ZFPM2: variants seen among roughly 807,000 people sequenced by gnomAD.
The protein encoded by ZFPM2 is zinc finger protein, FOG family member 2.
Under a neutral mutation model 98.6 loss-of-function variants are expected in ZFPM2, and 20 were observed. The ratio of observed to expected loss-of-function variants is 0.20; its 90% confidence interval spans 0.14 to 0.29. ZFPM2 has a LOEUF of 0.29. Among genes scored for constraint, ZFPM2 ranks in the 10% least tolerant of loss-of-function variants. The pLI is 1.00. For synonymous variants in ZFPM2, 518 were observed against 502.7 expected, an observed-to-expected ratio of 1.03 and a Z score of -0.41; for missense variants, 1,310 against 1,388.6, an observed-to-expected ratio of 0.94 and a Z score of 0.90.
chr8:105,530,235 C>A (rs1228100425), intron 3 of ZFPM2, among the ~76,000 whole-genome samples: 1 of 152,036 alleles, frequency 6.6e-6, no homozygotes, highest in Non-Finnish European at 1.5e-5. Flanking sequence ...ATTGTTATCC[C>A]ATAGAACCAG....
At chr8:105,477,491 C>T (rs570391709) in intron 3 of ZFPM2, among the ~76,000 whole-genome samples, 2 of 152,034 alleles carry the variant, frequency 1.3e-5, no homozygotes, top group Non-Finnish European at 2.9e-5. Context: ...GATCCACCCA[C>T]CTCAGCCTCC....
intron 3 of ZFPM2, among the ~76,000 whole-genome samples, chr8:105,458,911 A>G (rs912023104): frequency 1.3e-5 from 2 of 152,154 alleles, no homozygotes; most frequent in Non-Finnish European, 2.9e-5. Context: ...TTGCCATTAA[A>G]CAATAATTAT....
chr8:105,506,762 C>T lies in ZFPM2; in HGVS notation c.302-54601C>T, dbSNP rs550699840. ...CAGCAATTTGGGAGGCTGAGGCGGG[C>T]GGATCACGAGATCAGGAGATCAAGA... On this transcript the variant is annotated intron_variant, in intron 3 of 7. Coordinates refer to ENST00000407775, the MANE Select transcript of ZFPM2 (RefSeq NM_012082.4). 3.9e-5 allele frequency among the ~76,000 whole-genome samples: 6 copies of T among 151,906 alleles called. No homozygotes were observed. The South Asian group carries it at 1.3e-3, about 32-fold the overall frequency.
At chr8:105,618,229 A>C (rs979015588) in intron 4 of ZFPM2, among the ~76,000 whole-genome samples, 1 of 152,174 alleles carries the variant, frequency 6.6e-6, no homozygotes, top group African/African-American at 2.4e-5. Context: ...ACAATTCCTA[A>C]GGAGAGTCTC....
At chr8:105,658,079 G>C (rs949121918) in intron 5 of ZFPM2, among the ~76,000 whole-genome samples, 1 of 151,970 alleles carries the variant, frequency 6.6e-6, no homozygotes, top group Non-Finnish European at 1.5e-5. Context: ...GCGAATATTT[G>C]GGATATTTTC....
intron 4 of ZFPM2, among the ~76,000 whole-genome samples, chr8:105,572,883 G>A (rs1815388238): frequency 6.6e-6 from 1 of 152,108 alleles, no homozygotes; most frequent in African/African-American, 2.4e-5. Context: ...CGTCTTCTGT[G>A]CCATTTTGTA....
intron 2 of ZFPM2, among the ~76,000 whole-genome samples, chr8:105,428,005 A>G (rs1811949821): frequency 6.6e-6 from 1 of 152,202 alleles, no homozygotes; most frequent in African/African-American, 2.4e-5. Flanking sequence ...TGTAACTTCC[A>G]GAGGCTCAGC....
chr8:105,678,088 T>G (rs1285507461), intron 5 of ZFPM2, among the ~76,000 whole-genome samples: 1 of 152,210 alleles, frequency 6.6e-6, no homozygotes, highest in African/African-American at 2.4e-5. Flanking sequence ...TTACACCTTT[T>G]TCCTCCTCAC....
intron 2 of ZFPM2, among the ~76,000 whole-genome samples, chr8:105,420,784 G>A (rs891592542): frequency 6.6e-6 from 1 of 151,966 alleles, no homozygotes; most frequent in Admixed American, 6.6e-5. Context: ...ACATCCTTTT[G>A]TGCATTGTAG....
intron 5 of ZFPM2, among the ~76,000 whole-genome samples, chr8:105,676,418 T>G (rs1240717450): frequency 6.6e-6 from 1 of 152,148 alleles, no homozygotes; most frequent in African/African-American, 2.4e-5. Flanking sequence ...CATTTGTCAA[T>G]GAAACTTTTT....
intron 3 of ZFPM2, among the ~76,000 whole-genome samples, chr8:105,559,933 C>T (rs999526347): frequency 7.2e-5 from 11 of 151,942 alleles, no homozygotes; most frequent in Admixed American, 2.0e-4. Context: ...CTAGGCCAGG[C>T]GCGGTGGCTC....
intron 3 of ZFPM2, among the ~76,000 whole-genome samples, chr8:105,523,117 T>C (rs1814098103): frequency 6.6e-6 from 1 of 152,226 alleles, no homozygotes; most frequent in Non-Finnish European, 1.5e-5. Context: ...TTACCTGTCT[T>C]ACATATTTTT....
At chr8:105,473,273 G>T (rs1178327008) in intron 3 of ZFPM2, among the ~76,000 whole-genome samples, 1 of 152,084 alleles carries the variant, frequency 6.6e-6, no homozygotes, top group African/African-American at 2.4e-5. Flanking sequence ...TCTCTCTTTT[G>T]TGGGGACCTC....
At chr8:105,523,018 T>C (rs1253616157) in intron 3 of ZFPM2, among the ~76,000 whole-genome samples, 1 of 152,206 alleles carries the variant, frequency 6.6e-6, no homozygotes, top group East Asian at 1.9e-4. Context: ...AATTAAATGC[T>C]AGGTCTAGTT....
chr8:105,499,904 C>T (rs1368695138), intron 3 of ZFPM2, among the ~76,000 whole-genome samples: 4 of 152,000 alleles, frequency 2.6e-5, no homozygotes, highest in Non-Finnish European at 5.9e-5. Flanking sequence ...TTCTTCAGAG[C>T]GATCACATTC....
chr8:105,440,506 A>G (rs1013244937), intron 2 of ZFPM2, among the ~76,000 whole-genome samples: 1 of 152,170 alleles, frequency 6.6e-6, no homozygotes, highest in Admixed American at 6.5e-5. Context: ...TGTATCAGTA[A>G]GAGTCCATCA....
chr8:105,335,466 A>T (rs1305531881), intron 1 of ZFPM2, among the ~76,000 whole-genome samples: 2 of 151,930 alleles, frequency 1.3e-5, no homozygotes, highest in East Asian at 1.9e-4. Context: ...CAATGACTTT[A>T]TGCAAATGGA....
intron 3 of ZFPM2, among the ~76,000 whole-genome samples, chr8:105,531,393 G>A (rs1249318913): frequency 6.6e-6 from 1 of 152,018 alleles, no homozygotes; most frequent in African/African-American, 2.4e-5. Context: ...GGGTTCCTTG[G>A]CCTGTAGATG....
intron 4 of ZFPM2, among the ~76,000 whole-genome samples, chr8:105,619,287 C>A (rs773413957): frequency 2.0e-5 from 3 of 151,998 alleles, no homozygotes; most frequent in Non-Finnish European, 4.4e-5. Flanking sequence ...ATGTGTTGCA[C>A]CTTCCAAATG....
Sources: allele counts gnomAD v4.1 joint callset (sites outside exome capture counted in the v4.1 genomes callset), GRCh38; gene constraint gnomAD v4.1.1; transcripts MANE v1.5; gene names NCBI Gene and HGNC (gene_info 2026-07-23, HGNC 2026-07-21).